SGCZ: variants seen among roughly 807,000 people sequenced by gnomAD.
The protein encoded by SGCZ is sarcoglycan zeta.
Under a neutral mutation model 41.3 loss-of-function variants are expected in SGCZ, and 40 were observed. That is an observed-to-expected ratio of 0.97 (90% CI 0.75 to 1.26). The LOEUF (loss-of-function observed/expected upper bound fraction) is 1.26, where lower values mean the gene tolerates loss of function less well. Among genes scored for constraint, SGCZ ranks in the 50% most tolerant of loss-of-function variants. The pLI is 0.00. For missense variants in SGCZ, 552 were observed against 369.8 expected, an observed-to-expected ratio of 1.49 and a Z score of -4.04; for synonymous variants, 206 against 137.5, an observed-to-expected ratio of 1.50 and a Z score of -3.49.
intron 2 of SGCZ, among the ~76,000 whole-genome samples, chr8:14,469,996 T>A (rs1191887574): frequency 6.6e-6 from 1 of 152,062 alleles, no homozygotes. Context: ...CAAAGATGGG[T>A]TGATGGGAAC....
At chr8:14,784,913 A>ATATATATATATATATAT (rs1554499019) in intron 1 of SGCZ, among the ~76,000 whole-genome samples, 1 of 88,038 alleles carries the variant, frequency 1.1e-5, no homozygotes, top group Admixed American at 1.5e-4. Context: ...AAAAAAAAAA[A>ATATATATATATATATAT]ATATATATAT....
Position 14,984,689 on chromosome 8 carries a change from A to C in SGCZ, c.39+252896T>G, listed in dbSNP as rs148780772. Among the ~76,000 whole-genome samples, 473 of 152,306 alleles carry C rather than the reference A, an allele frequency of 3.1e-3. 2 individuals are homozygous for C. Among genetic ancestry groups the C allele is most frequent in the African/African-American group, 9.8e-3 (406 of 41,570 alleles). On this transcript the variant is annotated intron_variant, in intron 1 of 7. Transcript: ENST00000382080. Reference sequence around the variant, plus strand: ...ATTTTCTGGCAATACATATCTTTTGAATAATGTAATATGAAAAATTTGACC... The same window carrying C: ...ATTTTCTGGCAATACATATCTTTTGCATAATGTAATATGAAAAATTTGACC...
At chr8:15,194,638 G>C (rs967651908) in intron 1 of SGCZ, among the ~76,000 whole-genome samples, 1 of 152,144 alleles carries the variant, frequency 6.6e-6, no homozygotes, top group African/African-American at 2.4e-5. Flanking sequence ...GATGGAAGTA[G>C]AGATAAGAGA....
chr8:15,198,419 C>G (rs4831690), intron 1 of SGCZ, among the ~76,000 whole-genome samples: 1 of 151,776 alleles, frequency 6.6e-6, no homozygotes, highest in East Asian at 1.9e-4. Context: ...TATCTTTATT[C>G]TAGTCTATCC....
intron 1 of SGCZ, among the ~76,000 whole-genome samples, chr8:14,888,112 A>T (rs1468307218): frequency 6.6e-6 from 1 of 152,196 alleles, no homozygotes; most frequent in Non-Finnish European, 1.5e-5. Flanking sequence ...GTAATAAAAT[A>T]AAAAAGTAGA....
intron 1 of SGCZ, among the ~76,000 whole-genome samples, chr8:14,803,573 G>T (rs887426164): frequency 6.6e-6 from 1 of 152,174 alleles, no homozygotes; most frequent in Non-Finnish European, 1.5e-5. Context: ...GGCTCAGAGG[G>T]TCTGACGCCC....
intron 1 of SGCZ, among the ~76,000 whole-genome samples, chr8:15,149,506 C>T (rs1799120776): frequency 6.6e-6 from 1 of 152,134 alleles, no homozygotes; most frequent in African/African-American, 2.4e-5. Flanking sequence ...TTTCCTCCAG[C>T]CTCCAAGGCT....
intron 2 of SGCZ, among the ~76,000 whole-genome samples, chr8:14,411,246 T>A (rs568387966): frequency 6.6e-6 from 1 of 152,254 alleles, no homozygotes; most frequent in Admixed American, 6.6e-5. Flanking sequence ...TTACATAGTA[T>A]GAAGAGACTC....
chr8:14,157,500 G>C (rs1803913921), intron 5 of SGCZ, among the ~76,000 whole-genome samples: 1 of 149,608 alleles, frequency 6.7e-6, no homozygotes, highest in Admixed American at 6.7e-5. Context: ...TTAAGTGTTT[G>C]GTATTTGATA....
intron 4 of SGCZ, among the ~76,000 whole-genome samples, chr8:14,232,585 A>C (rs1045057289): frequency 6.6e-6 from 1 of 151,858 alleles, no homozygotes; most frequent in Non-Finnish European, 1.5e-5. Flanking sequence ...TATGCCACTG[A>C]TTTTGTTTTT....
At chr8:15,005,748 G>A (rs2012994) in intron 1 of SGCZ, among the ~76,000 whole-genome samples, 75,762 of 151,764 alleles carry the variant, frequency 0.5, 19,151 homozygotes, top group South Asian at 0.54. Context: ...AACCTTAGCT[G>A]ATATTTAACC....
chr8:14,554,939 AAAGAAAG>A lies in SGCZ; in HGVS notation c.40-20_40-14del. 6.5e-7 allele frequency: 1 copy of A among 1,532,646 alleles called. No individual in the cohort carries two copies. The highest frequency in any genetic ancestry group is 8.8e-7 in the Non-Finnish European group (1 of 1,138,714). The allele number at this position is 1,532,646 out of a possible 1,614,324, so 94.9% of individuals were successfully genotyped here. On this transcript the variant is annotated splice_polypyrimidine_tract_variant and intron_variant, in intron 1 of 7. Coordinates refer to ENST00000382080, the MANE Select transcript of SGCZ (RefSeq NM_139167.4). The stretch of plus-strand genomic sequence containing the variant: ...GTTCTCGTGTCATCTGAAAAAGAAA[AAAGAAAG>A]AAAGAGAAAGAAGGAAAAAAAAAGA...
intron 1 of SGCZ, among the ~76,000 whole-genome samples, chr8:14,885,664 C>G (rs1413896298): frequency 6.6e-6 from 1 of 151,964 alleles, no homozygotes; most frequent in Non-Finnish European, 1.5e-5. Context: ...CCCACAGTGC[C>G]TGGCACACAG....
At chr8:14,606,553 A>T (rs1563148354) in intron 1 of SGCZ, among the ~76,000 whole-genome samples, 1 of 152,180 alleles carries the variant, frequency 6.6e-6, no homozygotes, top group Non-Finnish European at 1.5e-5. Flanking sequence ...TATATCAACC[A>T]AATCAGTCCC....
In SGCZ at chr8:14,719,200, T is replaced by A. The variant is rs1375719912; in HGVS notation, c.40-164274A>T. On this transcript the variant is annotated intron_variant, in intron 1 of 7. Transcript: ENST00000382080. ...ACATGAACTCATCATTTTTTATGGC[T>A]GCATAGTATTCCATGGTGTATATGT... is the stretch of plus-strand genomic sequence containing the variant. Among the ~76,000 whole-genome samples the A allele has an allele frequency of 3.0e-3, 453 of 150,162 alleles. 4 individuals carry two copies. Among genetic ancestry groups the A allele is most frequent in the Admixed American group, 0.02 (294 of 15,032 alleles).
intron 1 of SGCZ, among the ~76,000 whole-genome samples, chr8:15,106,048 T>C (rs1051812346): frequency 1.3e-5 from 2 of 152,208 alleles, no homozygotes; most frequent in Admixed American, 6.5e-5. Flanking sequence ...AAATCCCAAA[T>C]TGATTAAATT....
chr8:14,615,202 G>T (rs749528450), intron 1 of SGCZ, among the ~76,000 whole-genome samples: 16 of 152,168 alleles, frequency 1.1e-4, no homozygotes, highest in Non-Finnish European at 1.9e-4. Context: ...TTAACCTGTT[G>T]ACTCTGTACT....
chr8:14,551,507 T>TAA (rs1803830324), intron 2 of SGCZ, among the ~76,000 whole-genome samples: 1 of 5,222 alleles, frequency 1.9e-4, no homozygotes, highest in African/African-American at 7.9e-4. Flanking sequence ...ATTATATATA[T>TAA]TATATATATT....
intron 1 of SGCZ, among the ~76,000 whole-genome samples, chr8:14,893,346 G>T (rs1210134693): frequency 6.6e-6 from 1 of 152,138 alleles, no homozygotes; most frequent in East Asian, 1.9e-4. Context: ...AAACAGCCCT[G>T]CCATCACCTT....
Sources: gnomAD v4.1 joint callset for allele counts (sites outside exome capture counted in the v4.1 genomes callset) on GRCh38, gnomAD v4.1.1 for gene constraint, MANE v1.5 for transcripts, NCBI Gene and HGNC (gene_info 2026-07-23, HGNC 2026-07-21) for gene names.